Variants in BAIAP2 observed in about 807,000 individuals in gnomAD.
BAIAP2 encodes BAR/IMD domain containing adaptor protein 2, also known as BAR/IMD domain-containing adapter protein 2.
A neutral mutation model predicts 63.0 loss-of-function variants in BAIAP2; 18 were observed. The ratio of observed to expected loss-of-function variants is 0.29; its 90% confidence interval spans 0.20 to 0.42. The LOEUF (loss-of-function observed/expected upper bound fraction) is 0.42. Among genes scored for constraint, BAIAP2 ranks in the 10% least tolerant of loss-of-function variants. The pLI is 1.00. For missense variants in BAIAP2, 610 were observed against 734.3 expected (o/e 0.83, Z 1.96); for synonymous variants, 386 against 307.6 (o/e 1.25, Z -2.67).
chr17:81,092,097 C>T (rs909871486), intron 6 of BAIAP2, among the ~76,000 whole-genome samples: 1 of 152,242 alleles, frequency 6.6e-6, no homozygotes, highest in African/African-American at 2.4e-5. Context: ...TGTGGGTTCC[C>T]TCAGCGACCC....
chr17:81,069,212 C>T (rs536408680), intron 3 of BAIAP2, among the ~76,000 whole-genome samples: 1 of 152,312 alleles, frequency 6.6e-6, no homozygotes, highest in African/African-American at 2.4e-5. Flanking sequence ...ACATTGGAAG[C>T]ATTTTTGTAA....
Position 81,078,919 on chromosome 17 carries a change from C to T in BAIAP2, c.218-5913C>T, listed in dbSNP as rs1331746314. Among the ~76,000 whole-genome samples, 3 of 152,090 alleles carry T rather than the reference C, an allele frequency of 2.0e-5. No homozygotes were observed. The East Asian group carries it at 5.8e-4, about 29-fold the overall frequency. The stretch of plus-strand genomic sequence containing the variant: ...GCTGTGGGGGTGTCAGGTCTCTCCC[C>T]TGCAAAGTGGGGTGATAGTCCCATG... On this transcript the variant is annotated intron_variant, in intron 3 of 13. Coordinates refer to ENST00000428708, the MANE Select transcript of BAIAP2 (RefSeq NM_001144888.2).
intron 6 of BAIAP2, among the ~76,000 whole-genome samples, chr17:81,091,551 G>T (rs1482362090): frequency 6.6e-6 from 1 of 152,172 alleles, no homozygotes; most frequent in Non-Finnish European, 1.5e-5. Context: ...ATGCCCTGTG[G>T]GGTCACTGGC....
At chr17:81,045,334 C>A (rs1164778165) in intron 1 of BAIAP2, among the ~76,000 whole-genome samples, 1 of 152,102 alleles carries the variant, frequency 6.6e-6, no homozygotes, top group African/African-American at 2.4e-5. Context: ...GGGGAATGGC[C>A]GTGTGGCCCT....
chr17:81,079,940 G>A (rs183183272), intron 3 of BAIAP2, among the ~76,000 whole-genome samples: 2 of 152,260 alleles, frequency 1.3e-5, no homozygotes, highest in African/African-American at 4.8e-5. Context: ...AGGGAGTGTG[G>A]AGAGATGAAG....
chr17:81,086,169 C>T (rs530989660), intron 5 of BAIAP2, among the ~76,000 whole-genome samples: 9 of 151,758 alleles, frequency 5.9e-5, no homozygotes, highest in Non-Finnish European at 1.3e-4. Context: ...GAGGGGTGGG[C>T]CTCGGCCACT....
chr17:81,054,631 G>A (rs575160098), intron 2 of BAIAP2, among the ~76,000 whole-genome samples: 1 of 152,312 alleles, frequency 6.6e-6, no homozygotes, highest in Non-Finnish European at 1.5e-5. Context: ...GTTGGTAACT[G>A]CAGCAGCTTC....
intron 7 of BAIAP2, among the ~76,000 whole-genome samples, chr17:81,100,367 G>A (rs1472182744): frequency 1.3e-5 from 2 of 151,516 alleles, no homozygotes; most frequent in Non-Finnish European, 2.9e-5. Flanking sequence ...TGGCTCTTCT[G>A]CCACAGCCAT....
intron 10 of BAIAP2, 147 bp from the exon 11 acceptor site, chr17:81,105,931 G>C (rs2059130909): frequency 3.0e-6 from 2 of 670,446 alleles, no homozygotes; most frequent in Admixed American, 5.3e-5. Context: ...TGCGGTCTTT[G>C]TCTCCCTGGA....
At chr17:81,086,241 G>A (rs2055618555) in intron 5 of BAIAP2, among the ~76,000 whole-genome samples, 2 of 151,960 alleles carry the variant, frequency 1.3e-5, no homozygotes, top group African/African-American at 4.8e-5. Context: ...GGGTGGGGTC[G>A]GGCTGAGGCT....
chr17:81,039,279 C>G (rs1014451912), intron 1 of BAIAP2, among the ~76,000 whole-genome samples: 32 of 152,362 alleles, frequency 2.1e-4, no homozygotes, highest in South Asian at 1.4e-3. Flanking sequence ...CCTGTGTGGG[C>G]TTTGGCCCCA....
At position 81,103,938 on chromosome 17, in the gene BAIAP2, T is replaced by C; in HGVS notation, c.896T>C (p.Met299Thr). Residue 299 changes from methionine to threonine, a missense_variant, in exon 9 of 14, where the codon ATG (methionine) becomes ACG (threonine). Met to Thr is a moderately conservative substitution (Grantham distance 81). Around this residue, in one of 5 missense-constraint regions of BAIAP2, gnomAD observed 389 missense variants for 455.6 expected, o/e 0.85. Transcript: ENST00000428708. ...RMSAQESTPI[M>T]NGVTGPDGED... Reference sequence around the variant, plus strand: ...TCTGCCCAGGAGAGCACACCCATCATGAACGGCGTCACAGGCCCGGATGGC... The same window carrying C: ...TCTGCCCAGGAGAGCACACCCATCACGAACGGCGTCACAGGCCCGGATGGC... 1.2e-6 allele frequency: 2 copies of C among 1,613,014 alleles called. No homozygotes were observed. The highest frequency in any genetic ancestry group is 1.7e-5 in the Admixed American group (1 of 60,034).
chr17:81,102,342 T>C (rs972229175), intron 7 of BAIAP2, among the ~76,000 whole-genome samples: 5 of 152,114 alleles, frequency 3.3e-5, no homozygotes, highest in African/African-American at 1.2e-4. Context: ...CCGTCTGCCC[T>C]AGTGCTGGTC....
At chr17:81,042,866 G>T (rs912737247) in intron 1 of BAIAP2, among the ~76,000 whole-genome samples, 1 of 149,114 alleles carries the variant, frequency 6.7e-6, no homozygotes, top group South Asian at 2.1e-4. Context: ...TTCCAGGCGG[G>T]GCTTTTATTT....
chr17:81,078,290 C>G (rs1489885935), intron 3 of BAIAP2, among the ~76,000 whole-genome samples: 1 of 126,426 alleles, frequency 7.9e-6, no homozygotes, highest in Non-Finnish European at 1.7e-5. Context: ...GGTTCCACCT[C>G]GGAGCTGGAT....
At chr17:81,111,632 C>A (rs2059940059) in intron 13 of BAIAP2, among the ~76,000 whole-genome samples, 1 of 152,238 alleles carries the variant, frequency 6.6e-6, no homozygotes, top group Non-Finnish European at 1.5e-5. Flanking sequence ...CATTATGGGT[C>A]CAATTCCAGT....
At chr17:81,045,803 T>C (rs1375923244) in intron 1 of BAIAP2, among the ~76,000 whole-genome samples, 1 of 152,104 alleles carries the variant, frequency 6.6e-6, no homozygotes, top group African/African-American at 2.4e-5. Context: ...TCTGAGTGGC[T>C]CTGGGGGAGT....
chr17:81,060,846 GGC>G (rs2050422875), intron 3 of BAIAP2, among the ~76,000 whole-genome samples: 1 of 152,176 alleles, frequency 6.6e-6, no homozygotes, highest in Non-Finnish European at 1.5e-5. Flanking sequence ...AACAGGGCCG[GGC>G]GCGGTGGCTC....
At chr17:81,070,047 C>G (rs897267840) in intron 3 of BAIAP2, among the ~76,000 whole-genome samples, 1 of 152,140 alleles carries the variant, frequency 6.6e-6, no homozygotes, top group Non-Finnish European at 1.5e-5. Flanking sequence ...CTCATTGCAG[C>G]CTCCTGGGCT....
Sources: gnomAD v4.1 joint callset for allele counts (sites outside exome capture counted in the v4.1 genomes callset) on GRCh38, gnomAD v4.1.1 for gene constraint, gnomAD v4.1.1 regional missense constraint, MANE v1.5 for transcripts, NCBI Gene and HGNC (gene_info 2026-07-23, HGNC 2026-07-21) for gene names.